Variants in LOC400499 observed in about 807,000 individuals in gnomAD.
At chr16:11,462,017 A>C in the LOC400499 span, 1 of 1,081,526 alleles carries the variant, frequency 9.2e-7, no homozygotes, top group Non-Finnish European at 1.2e-6. Flanking sequence ...TGTTGATATT[A>C]AGAGAAGCTG....
chr16:11,456,700 T>C, the LOC400499 span, among the ~76,000 whole-genome samples: 1 of 150,036 alleles, frequency 6.7e-6, no homozygotes, highest in South Asian at 2.1e-4. Flanking sequence ...AGTGCTGGGA[T>C]TACAGGCGTG....
At chr16:11,400,892 C>T in the LOC400499 span, among the ~76,000 whole-genome samples, 14 of 152,118 alleles carry the variant, frequency 9.2e-5, no homozygotes, top group Admixed American at 8.5e-4. Context: ...CTCAGAGAGG[C>T]GATAGGACAC....
chr16:11,470,261 C>T, the LOC400499 span, among the ~76,000 whole-genome samples: 2 of 152,106 alleles, frequency 1.3e-5, no homozygotes, highest in African/African-American at 4.8e-5. Context: ...CTTCTGCAAG[C>T]TCTGCACTTC....
At chr16:11,503,788 C>T in the LOC400499 span, among the ~76,000 whole-genome samples, 2 of 152,224 alleles carry the variant, frequency 1.3e-5, no homozygotes, top group African/African-American at 4.8e-5. Context: ...GTCTTTCCTT[C>T]CTCCGGCAGG....
the LOC400499 span, among the ~76,000 whole-genome samples, chr16:11,386,959 T>C: frequency 2.0e-5 from 3 of 152,358 alleles, no homozygotes; most frequent in Non-Finnish European, 2.9e-5. Context: ...AAGCAGGATG[T>C]GTACCCTCAG....
the LOC400499 span, among the ~76,000 whole-genome samples, chr16:11,451,757 C>A: frequency 6.6e-6 from 1 of 152,288 alleles, no homozygotes. Flanking sequence ...CAACCCACCC[C>A]TGCTGGAGAC....
chr16:11,428,317 A>G, the LOC400499 span, among the ~76,000 whole-genome samples: 1 of 152,114 alleles, frequency 6.6e-6, no homozygotes, highest in African/African-American at 2.4e-5. Context: ...GATTACAGGC[A>G]TGTGCCACCA....
chr16:11,519,071 A>C, the LOC400499 span: 1 of 397,794 alleles, frequency 2.5e-6, no homozygotes, highest in Non-Finnish European at 4.4e-6. Context: ...TGCAGGATAC[A>C]TGAACCCATG....
the LOC400499 span, chr16:11,470,521 C>G: frequency 0.1 from 15,966 of 152,194 alleles, 2,040 homozygotes; most frequent in African/African-American, 0.3. Context: ...GTACCCCAGT[C>G]CAAGGCTTCG....
the LOC400499 span, among the ~76,000 whole-genome samples, chr16:11,426,822 C>T: frequency 7.0e-6 from 1 of 142,858 alleles, no homozygotes; most frequent in African/African-American, 2.6e-5. Context: ...ACTTGGGAGG[C>T]TAAGGCAGGA....
the LOC400499 span, among the ~76,000 whole-genome samples, chr16:11,381,515 C>T: frequency 2.0e-5 from 3 of 152,184 alleles, no homozygotes; most frequent in African/African-American, 4.8e-5. Context: ...ATCTTTCCAT[C>T]TTCTTAATAG....
chr16:11,379,396 T>C, the LOC400499 span, among the ~76,000 whole-genome samples: 5 of 152,214 alleles, frequency 3.3e-5, no homozygotes, highest in African/African-American at 1.2e-4. Flanking sequence ...TTTTGGTGAA[T>C]TGACTGTTAT....
chr16:11,511,584 G>T, the LOC400499 span, among the ~76,000 whole-genome samples: 1 of 152,186 alleles, frequency 6.6e-6, no homozygotes, highest in Admixed American at 6.5e-5. Flanking sequence ...GAAAAAGCTA[G>T]ACACAAAAGG....
chr16:11,379,490 C>T, the LOC400499 span, among the ~76,000 whole-genome samples: 2,910 of 152,300 alleles, frequency 0.019, 50 homozygotes, highest in Middle Eastern at 0.12. Flanking sequence ...TTATTTCATC[C>T]TTTCACTTTC....
chr16:11,396,294 C>T, the LOC400499 span: 342,511 of 405,586 alleles, frequency 0.84, 146,241 homozygotes, highest in Admixed American at 0.9. Context: ...GAGGAGCTGC[C>T]TTGTCTTGGC....
chr16:11,484,820 C>T, the LOC400499 span: 5,396 of 356,090 alleles, frequency 0.015, 263 homozygotes, highest in African/African-American at 0.11. Flanking sequence ...CAAAAGTCCA[C>T]GCATGAAGCG....
At chr16:11,471,694 C>G in the LOC400499 span, 2 of 399,148 alleles carry the variant, frequency 5.0e-6, no homozygotes, top group Non-Finnish European at 8.8e-6. Context: ...CAGGTACTGT[C>G]GGAGCCCCGG....
At chr16:11,372,723 T>C in the LOC400499 span, 1 of 983,212 alleles carries the variant, frequency 1.0e-6, no homozygotes, top group East Asian at 1.1e-4. Flanking sequence ...AGTGCTGGCA[T>C]AGACAAAATC....
At chr16:11,436,332 G>C in the LOC400499 span, among the ~76,000 whole-genome samples, 1 of 152,180 alleles carries the variant, frequency 6.6e-6, no homozygotes, top group Non-Finnish European at 1.5e-5. Context: ...GAGGTTCAAA[G>C]AGGATGGCAT....
Sources: gnomAD v4.1 joint callset for allele counts (sites outside exome capture counted in the v4.1 genomes callset) on GRCh38, gnomAD v4.1.1 for gene constraint, MANE v1.5 for transcripts.